The following DEUP1 variants were observed in gnomAD, a reference collection of about 807,000 sequenced individuals.
DEUP1 encodes the protein coiled-coil domain containing 67.
A neutral mutation model predicts 87.4 loss-of-function variants in DEUP1; 82 were observed. The observed-to-expected ratio is 0.94, with a 90% CI of 0.78 to 1.13. The LOEUF is 1.13. DEUP1 is among the 50% of genes most tolerant of loss of function. The pLI is 0.00. For synonymous variants in DEUP1, 214 were observed against 222.7 expected (o/e 0.96, Z 0.35); for missense variants, 663 against 681.5 (o/e 0.97, Z 0.30).
rs912445716 is a variant in DEUP1 at position 93,365,979 on chromosome 11, T to C, written c.432+1685T>C. 5.3e-5 allele frequency among the ~76,000 whole-genome samples: 8 copies of C among 152,304 alleles called. No individual in the cohort carries two copies. The South Asian group carries it at 6.2e-4, about 12-fold the overall frequency. ...CTGAAAACAGGCCTTGCCTGACTCATGTGTTTGCCCTGTGACCTTTAGGCA... is the reference window on the plus strand; with the variant it reads ...CTGAAAACAGGCCTTGCCTGACTCACGTGTTTGCCCTGTGACCTTTAGGCA... On this transcript the variant is annotated intron_variant, in intron 5 of 13. Transcript: ENST00000298050.
At chr11:93,387,555 A>G (rs976374594) in intron 8 of DEUP1, among the ~76,000 whole-genome samples, 1 of 152,084 alleles carries the variant, frequency 6.6e-6, no homozygotes, top group African/African-American at 2.4e-5. Context: ...ATACATGTAC[A>G]TTAGCATTTT....
intron 3 of DEUP1, 65 bp from the exon 4 acceptor site, chr11:93,356,883 C>A: frequency 2.1e-6 from 2 of 970,158 alleles, no homozygotes; most frequent in Non-Finnish European, 3.2e-6. Flanking sequence ...TTCTCTTTTG[C>A]ACATTTTCTG....
At chr11:93,378,613 C>A (rs765309338) in intron 7 of DEUP1, among the ~76,000 whole-genome samples, 2 of 152,004 alleles carry the variant, frequency 1.3e-5, no homozygotes, top group African/African-American at 4.8e-5. Flanking sequence ...CCATTGCTGG[C>A]GAGCTAGTGT....
chr11:93,401,049 T>G (rs1264589933), intron 11 of DEUP1, among the ~76,000 whole-genome samples: 1 of 152,144 alleles, frequency 6.6e-6, no homozygotes, highest in African/African-American at 2.4e-5. Flanking sequence ...TAGAAAACCC[T>G]AAAGACTCCA....
At chr11:93,411,966 A>G (rs1287702564) in intron 12 of DEUP1, among the ~76,000 whole-genome samples, 3 of 152,182 alleles carry the variant, frequency 2.0e-5, no homozygotes, top group Non-Finnish European at 4.4e-5. Flanking sequence ...CCTGAATCTG[A>G]GAATGTTTGT....
At chr11:93,385,864 G>A (rs1448199825) in intron 8 of DEUP1, among the ~76,000 whole-genome samples, 2 of 151,822 alleles carry the variant, frequency 1.3e-5, no homozygotes, top group Non-Finnish European at 2.9e-5. Flanking sequence ...CAAGCCTTAG[G>A]CAACATAGTG....
chr11:93,418,956 C>G (rs1282353102), intron 13 of DEUP1, among the ~76,000 whole-genome samples: 2 of 150,994 alleles, frequency 1.3e-5, no homozygotes, highest in African/African-American at 2.4e-5. Flanking sequence ...ACTGCATATT[C>G]TCACTCATAG....
intron 5 of DEUP1, among the ~76,000 whole-genome samples, chr11:93,364,895 A>T (rs1164473050): frequency 6.6e-6 from 1 of 152,066 alleles, no homozygotes; most frequent in African/African-American, 2.4e-5. Context: ...ACTTATTCTT[A>T]TCTTCTTCGT....
chr11:93,394,435 A>G, intron 9 of DEUP1, 24 bp from the exon 10 acceptor site: 1 of 1,491,730 alleles, frequency 6.7e-7, no homozygotes, highest in Non-Finnish European at 8.9e-7. Flanking sequence ...ATTCAATAAT[A>G]TTTCCAGTCT....
intron 4 of DEUP1, among the ~76,000 whole-genome samples, chr11:93,360,563 A>G (rs1945123013): frequency 6.6e-6 from 1 of 152,218 alleles, no homozygotes; most frequent in African/African-American, 2.4e-5. Context: ...GCTTGAAATA[A>G]ATGAAAAATT....
intron 11 of DEUP1, among the ~76,000 whole-genome samples, chr11:93,401,327 T>C (rs1947110668): frequency 6.6e-6 from 1 of 152,144 alleles, no homozygotes; most frequent in African/African-American, 2.4e-5. Flanking sequence ...TCCATTCTCA[T>C]GTATTGGAAG....
chr11:93,402,104 C>T (rs143147533), intron 11 of DEUP1, among the ~76,000 whole-genome samples: 3,169 of 151,688 alleles, frequency 0.021, 64 homozygotes, highest in Non-Finnish European at 0.03. Flanking sequence ...TGCAAACTAT[C>T]CATATGACAA....
rs149110578 is a variant in DEUP1 at position 93,401,888 on chromosome 11, A to T, written c.1326+5563A>T. Among the ~76,000 whole-genome samples, 296 of 152,144 alleles carry T rather than the reference A, an allele frequency of 1.9e-3. 1 individual carries two copies. Among genetic ancestry groups the T allele is most frequent in the East Asian group, 0.01 (54 of 5,182 alleles). ...ATTGAAGACTTAAATCTAAGACAGGAAACTATGAAACTACTAAAAGAAGAC... is the reference window on the plus strand; with the variant it reads ...ATTGAAGACTTAAATCTAAGACAGGTAACTATGAAACTACTAAAAGAAGAC... On this transcript the variant is annotated intron_variant, in intron 11 of 13. Transcript: ENST00000298050.
intron 13 of DEUP1, among the ~76,000 whole-genome samples, chr11:93,433,502 A>G (rs1279859134): frequency 6.6e-6 from 1 of 152,234 alleles, no homozygotes; most frequent in Non-Finnish European, 1.5e-5. Flanking sequence ...CCTGGGCAAT[A>G]GAGCAAGACA....
At chr11:93,408,508 T>G in intron 12 of DEUP1, 81 bp downstream of exon 12, 1 of 889,400 alleles carries the variant, frequency 1.1e-6, no homozygotes, top group Non-Finnish European at 1.7e-6. Context: ...AAATTATAAC[T>G]TTATACGCTT....
At chr11:93,347,238 T>C (rs748182516) in intron 2 of DEUP1, among the ~76,000 whole-genome samples, 1 of 152,210 alleles carries the variant, frequency 6.6e-6, no homozygotes, top group East Asian at 1.9e-4. Context: ...TGATGCTGAA[T>C]TTTACTGAAA....
chr11:93,391,682 TG>T (rs781462295), intron 9 of DEUP1, among the ~76,000 whole-genome samples: 1 of 131,680 alleles, frequency 7.6e-6, no homozygotes, highest in South Asian at 2.3e-4. Context: ...CACTCCAGCC[TG>T]GGTGACAAAG....
intron 13 of DEUP1, among the ~76,000 whole-genome samples, chr11:93,417,545 G>A (rs1247673086): frequency 6.6e-6 from 1 of 152,238 alleles, no homozygotes; most frequent in Non-Finnish European, 1.5e-5. Flanking sequence ...ACAAACAAAT[G>A]GAAGAACATT....
chr11:93,427,541 A>T (rs376768101), intron 13 of DEUP1, among the ~76,000 whole-genome samples: 30 of 151,762 alleles, frequency 2.0e-4, no homozygotes, highest in Non-Finnish European at 4.3e-4. Flanking sequence ...AACCTAGGCA[A>T]TACCATTCAG....
Sources: allele counts gnomAD v4.1 joint callset (sites outside exome capture counted in the v4.1 genomes callset), GRCh38; gene constraint gnomAD v4.1.1; transcripts MANE v1.5; gene names NCBI Gene and HGNC (gene_info 2026-07-23, HGNC 2026-07-21).